Variants in ITPK1 observed in about 807,000 individuals in gnomAD.
The protein encoded by ITPK1 is inositol-tetrakisphosphate 1-kinase, also known as inositol 1,3,4-trisphosphate 5/6-kinase.
Under a neutral mutation model 45.3 loss-of-function variants are expected in ITPK1, and 21 were observed. The observed-to-expected ratio is 0.46, with a 90% CI of 0.33 to 0.67. The LOEUF is 0.67. ITPK1 is among the 30% of genes least tolerant of loss of function. The pLI is 0.02. For missense variants in ITPK1, 474 were observed against 573.5 expected (o/e 0.83, Z 1.77); for synonymous variants, 258 against 253.6 (o/e 1.02, Z -0.16).
chr14:93,086,747 G>C (rs1448747239), intron 2 of ITPK1, among the ~76,000 whole-genome samples: 1 of 152,250 alleles, frequency 6.6e-6, no homozygotes, highest in African/African-American at 2.4e-5. Flanking sequence ...GCACGCTAGA[G>C]AAGGCCTGCT....
chr14:93,038,693 A>AATTTTTGTATT (rs1222734600), intron 3 of ITPK1, among the ~76,000 whole-genome samples: 1 of 152,076 alleles, frequency 6.6e-6, no homozygotes, highest in Non-Finnish European at 1.5e-5. Context: ...ACACCCGGCT[A>AATTTTTGTATT]ATTTTTGTAT....
intron 3 of ITPK1, among the ~76,000 whole-genome samples, chr14:93,067,197 G>A (rs1890793985): frequency 6.6e-6 from 1 of 152,122 alleles, no homozygotes; most frequent in Non-Finnish European, 1.5e-5. Flanking sequence ...TACGTAAAAT[G>A]CTTACCTGGC....
intron 3 of ITPK1, among the ~76,000 whole-genome samples, chr14:93,040,751 T>C (rs1889527055): frequency 6.6e-6 from 1 of 152,038 alleles, no homozygotes; most frequent in South Asian, 2.1e-4. Context: ...GTCACTGCCA[T>C]TCTCTTTCTC....
Position 92,940,946 on chromosome 14 carries a change from C to A in ITPK1, c.*615G>T, listed in dbSNP as rs1887345108. ...TTTCCTTCCCTTTAGTGAGGGAGCA[C>A]AGCCCAGACCCCAGCGCGGAACTCC... On this transcript the variant is annotated 3_prime_UTR_variant, in exon 11 of 11. Coordinates refer to ENST00000267615, the MANE Select transcript of ITPK1 (RefSeq NM_014216.6). 6.2e-6 allele frequency: 8 copies of A among 1,287,206 alleles called. No homozygotes were observed. The highest frequency in any genetic ancestry group is 6.1e-6 in the Non-Finnish European group (6 of 988,636). The allele number at this position is 1,287,206 out of a possible 1,614,324, so 79.7% of individuals were successfully genotyped here. A position where few individuals can be genotyped will look rare whatever the true frequency, so the allele number is the denominator to read the frequency against.
intron 3 of ITPK1, chr14:93,068,678 G>A (rs1447974602): frequency 6.6e-6 from 1 of 152,164 alleles, no homozygotes; most frequent in Admixed American, 6.5e-5. Flanking sequence ...GGAGAGTATG[G>A]GTGGCAGAGG....
intron 4 of ITPK1, among the ~76,000 whole-genome samples, chr14:93,011,331 C>T (rs3783909): frequency 0.068 from 10,318 of 152,316 alleles, 483 homozygotes; most frequent in East Asian, 0.23. Flanking sequence ...CCTGGCCTCG[C>T]TTGGCGGACT....
At chr14:92,997,613 A>G (rs766205833) in intron 4 of ITPK1, among the ~76,000 whole-genome samples, 15 of 152,288 alleles carry the variant, frequency 9.8e-5, no homozygotes, top group African/African-American at 2.2e-4. Flanking sequence ...AGAATTACCA[A>G]TCTGCTGGGT....
At chr14:93,087,721 C>T (rs2140000707) in intron 2 of ITPK1, among the ~76,000 whole-genome samples, 1 of 152,330 alleles carries the variant, frequency 6.6e-6, no homozygotes, top group South Asian at 2.1e-4. Flanking sequence ...CGCCTGGAAG[C>T]ATTCATGTGT....
At chr14:92,983,243 AC>A (rs1404844073) in intron 5 of ITPK1, among the ~76,000 whole-genome samples, 2 of 152,208 alleles carry the variant, frequency 1.3e-5, no homozygotes, top group Non-Finnish European at 2.9e-5. Flanking sequence ...CCACTGATTT[AC>A]AGCCCCTTCT....
At chr14:93,074,316 C>T (rs77300966) in intron 3 of ITPK1, among the ~76,000 whole-genome samples, 1,669 of 152,302 alleles carry the variant, frequency 0.011, 20 homozygotes, top group Non-Finnish European at 0.016. Flanking sequence ...TCTTCTGCCC[C>T]GGACATTCTG....
At chr14:93,094,502 A>T (rs1033552621) in intron 2 of ITPK1, among the ~76,000 whole-genome samples, 3 of 152,126 alleles carry the variant, frequency 2.0e-5, no homozygotes, top group Non-Finnish European at 4.4e-5. Context: ...TGAAGCCATC[A>T]TTTTATCAGT....
chr14:93,018,802 G>A lies in ITPK1; in HGVS notation c.121-2001C>T, dbSNP rs185108739. On this transcript the variant is annotated intron_variant, in intron 3 of 10. Transcript: ENST00000267615. ...CTGCTGCAAAGACCAGGACACCAAC[G>A]GCCCAGGAAGGAAAATGACCAAGCA... 3.2e-3 allele frequency among the ~76,000 whole-genome samples: 480 copies of A among 152,278 alleles called. 1 individual carries two copies. The highest frequency in any genetic ancestry group is 0.011 in the African/African-American group (456 of 41,548).
intron 2 of ITPK1, among the ~76,000 whole-genome samples, chr14:93,097,067 G>A (rs1462390455): frequency 5.3e-5 from 8 of 152,072 alleles, no homozygotes; most frequent in Non-Finnish European, 1.0e-4. Flanking sequence ...CGACTTCTCC[G>A]CCCCTCCCCA....
intron 5 of ITPK1, among the ~76,000 whole-genome samples, chr14:92,972,961 T>C (rs1885733831): frequency 6.6e-6 from 1 of 152,184 alleles, no homozygotes; most frequent in Admixed American, 6.5e-5. Flanking sequence ...CTGTCCCCAC[T>C]ATATCTCTGG....
intron 9 of ITPK1, among the ~76,000 whole-genome samples, chr14:92,949,628 G>A (rs532992040): frequency 2.6e-5 from 4 of 152,340 alleles, no homozygotes; most frequent in South Asian, 2.1e-4. Flanking sequence ...AAAACATCTC[G>A]CTGTGAGATT....
intron 2 of ITPK1, 96 bp downstream of exon 2, chr14:93,114,973 T>C: frequency 1.6e-6 from 1 of 642,166 alleles, no homozygotes. Flanking sequence ...GGCTCCGATC[T>C]CCCAAAACAA....
chr14:93,061,092 C>T (rs1028423754), intron 3 of ITPK1, among the ~76,000 whole-genome samples: 2 of 152,210 alleles, frequency 1.3e-5, no homozygotes, highest in Non-Finnish European at 1.5e-5. Context: ...CAAAAGACAA[C>T]TTAACATGCA....
chr14:93,083,331 G>A (rs771855440), intron 2 of ITPK1, among the ~76,000 whole-genome samples: 5 of 152,114 alleles, frequency 3.3e-5, no homozygotes, highest in South Asian at 2.1e-4. Flanking sequence ...CTGCTGAGCC[G>A]CTCGGGGTCT....
chr14:92,972,223 T>C (rs1885697499), intron 5 of ITPK1, among the ~76,000 whole-genome samples: 1 of 152,202 alleles, frequency 6.6e-6, no homozygotes, highest in African/African-American at 2.4e-5. Flanking sequence ...TGTGATGGGC[T>C]GAGCGCTGTT....
Sources: gnomAD v4.1 joint callset for allele counts (sites outside exome capture counted in the v4.1 genomes callset) on GRCh38, gnomAD v4.1.1 for gene constraint, MANE v1.5 for transcripts, NCBI Gene and HGNC (gene_info 2026-07-23, HGNC 2026-07-21) for gene names.